Variants in RIN3 observed in about 807,000 individuals in gnomAD.
The protein encoded by RIN3 is Ras and Rab interactor 3.
RIN3 carries 54 observed loss-of-function variants against 76.3 expected under a neutral mutation model. That is an observed-to-expected ratio of 0.71 (90% CI 0.57 to 0.89). RIN3 has a LOEUF of 0.89. Ranked by LOEUF, RIN3 falls within the 40% of genes least tolerant of loss-of-function variation. The pLI is 0.00. For missense variants in RIN3, 1,256 were observed against 1,322.1 expected, an observed-to-expected ratio of 0.95 and a Z score of 0.78; for synonymous variants, 576 against 564.0, an observed-to-expected ratio of 1.02 and a Z score of -0.30.
At chr14:92,518,671 G>C (rs1896509743) in intron 1 of RIN3, among the ~76,000 whole-genome samples, 1 of 152,212 alleles carries the variant, frequency 6.6e-6, no homozygotes, top group South Asian at 2.1e-4. Context: ...TGGATACTGT[G>C]TCTCAGCCGG....
intron 4 of RIN3, among the ~76,000 whole-genome samples, chr14:92,631,664 G>A (rs1886589234): frequency 6.6e-6 from 1 of 152,046 alleles, no homozygotes; most frequent in Admixed American, 6.6e-5. Flanking sequence ...GCAGTGGTGT[G>A]ATCTGGGCTC....
At chr14:92,524,863 C>T (rs879682540) in intron 1 of RIN3, among the ~76,000 whole-genome samples, 7 of 152,226 alleles carry the variant, frequency 4.6e-5, no homozygotes, top group Admixed American at 1.3e-4. Context: ...TGGCACGAGG[C>T]CCCAGAGATG....
chr14:92,562,761 G>C (rs1324946035), intron 2 of RIN3, among the ~76,000 whole-genome samples: 5 of 152,070 alleles, frequency 3.3e-5, no homozygotes, highest in Non-Finnish European at 7.4e-5. Context: ...TTCTGCCCCA[G>C]TCCTAGAATC....
At chr14:92,683,350 C>G (rs7143892) in intron 8 of RIN3, among the ~76,000 whole-genome samples, 2,042 of 152,166 alleles carry the variant, frequency 0.013, 50 homozygotes, top group African/African-American at 0.045. Context: ...ATGACCTTGG[C>G]CAAGCCACCT....
rs1055231645 is a variant in RIN3 at position 92,681,973 on chromosome 14, G to A, written c.2468-3014G>A. On this transcript the variant is annotated intron_variant, in intron 8 of 9. Coordinates refer to ENST00000216487, the MANE Select transcript of RIN3 (RefSeq NM_024832.5). The surrounding 1 kb of genome is among the most constrained non-coding windows in gnomAD (Gnocchi z 4.7). ...CTGATCTCAGCTCACTGCAACCTCTGCCTCTCAGGTTCAAGCGATTCTCCT... is the reference window on the plus strand; with the variant it reads ...CTGATCTCAGCTCACTGCAACCTCTACCTCTCAGGTTCAAGCGATTCTCCT... 7.9e-5 allele frequency among the ~76,000 whole-genome samples: 12 copies of A among 151,992 alleles called. No homozygotes were observed. The highest frequency in any genetic ancestry group is 1.6e-4 in the Non-Finnish European group (11 of 68,028).
rs1160692165 is a variant in RIN3 at position 92,652,557 on chromosome 14, G to A, written c.1508G>A (p.Ser503Asn). ...PTPGPPREGQ[S>N]PASQAGTQHP... ...CCGGGTCCACCCAGAGAGGGCCAAA[G>A]CCCTGCTTCTCAGGCTGGGACTCAG... Residue 503 changes from serine (S) to asparagine (N), a missense_variant, in exon 6 of 10, where the codon AGC becomes AAC. This residue lies in a region of RIN3 where 428 missense variants were observed against 521.2 expected (regional missense o/e 0.82). Coordinates refer to ENST00000216487, the MANE Select transcript of RIN3 (RefSeq NM_024832.5). This position sits in a 1 kb window ranked among gnomAD's most constrained non-coding sequence, Gnocchi z 6.4. 1.2e-6 allele frequency: 2 copies of A among 1,613,096 alleles called. No individual in the cohort carries two copies. The highest frequency in any genetic ancestry group is 2.7e-5 in the African/African-American group (2 of 74,918).
chr14:92,551,605 A>G (rs189198969), intron 1 of RIN3, among the ~76,000 whole-genome samples: 149 of 152,136 alleles, frequency 9.8e-4, no homozygotes, highest in Middle Eastern at 6.8e-3. Context: ...CATTCTCACC[A>G]CTATGTGATG....
intron 1 of RIN3, among the ~76,000 whole-genome samples, chr14:92,517,333 C>T (rs896821028): frequency 4.6e-5 from 7 of 152,012 alleles, no homozygotes; most frequent in Non-Finnish European, 7.4e-5. Flanking sequence ...GTTGAGGAAA[C>T]GGAAGACAAA....
intron 3 of RIN3, among the ~76,000 whole-genome samples, chr14:92,578,134 G>A (rs1033785659): frequency 6.6e-6 from 1 of 151,994 alleles, no homozygotes; most frequent in African/African-American, 2.4e-5. Flanking sequence ...TACTTGGGAG[G>A]CTGAGGTGGA....
intron 4 of RIN3, among the ~76,000 whole-genome samples, chr14:92,632,785 G>A (rs1041499445): frequency 1.2e-4 from 18 of 152,342 alleles, no homozygotes; most frequent in Non-Finnish European, 2.5e-4. Context: ...AGGAAGGGCG[G>A]GAAGGGAACT....
At chr14:92,515,544 C>A (rs1896417861) in intron 1 of RIN3, 1 of 449,082 alleles carries the variant, frequency 2.2e-6, no homozygotes, top group Admixed American at 4.2e-5. Flanking sequence ...GGACTAAATA[C>A]ACAGAGTTGA....
At chr14:92,523,642 A>G (rs1896653463) in intron 1 of RIN3, among the ~76,000 whole-genome samples, 2 of 151,626 alleles carry the variant, frequency 1.3e-5, no homozygotes, top group Admixed American at 1.3e-4. Flanking sequence ...TCTTGTTTCA[A>G]GGACTAGATT....
chr14:92,566,853 C>T (rs781700748), intron 2 of RIN3, among the ~76,000 whole-genome samples: 2 of 152,188 alleles, frequency 1.3e-5, no homozygotes, highest in Non-Finnish European at 1.5e-5. Context: ...TACCAACCTG[C>T]ACCTCACACT....
In RIN3 at chr14:92,634,855, C is replaced by CAA. The variant is rs1566878429; in HGVS notation, c.441-6383_441-6382insAA. Among the ~76,000 whole-genome samples the CAA allele has an allele frequency of 4.9e-3, 509 of 104,738 alleles. 3 individuals carry two copies. Among genetic ancestry groups the CAA allele is most frequent in the African/African-American group, 0.019 (486 of 25,136 alleles). The allele number at this position is 104,738 out of a possible 152,430, so 68.7% of individuals were successfully genotyped here. On this transcript the variant is annotated intron_variant, in intron 4 of 9. Coordinates refer to ENST00000216487, the MANE Select transcript of RIN3 (RefSeq NM_024832.5). ...CCTGGGTGCCAGAACGAGACTCTAT[C>CAA]TAAAAAAAAAAAAAAAAGGTGGATT...
At chr14:92,547,858 C>T (rs1897324489) in intron 1 of RIN3, among the ~76,000 whole-genome samples, 1 of 152,150 alleles carries the variant, frequency 6.6e-6, no homozygotes, top group African/African-American at 2.4e-5. Context: ...CATGTGCAGC[C>T]ATACCCAGCT....
chr14:92,673,786 A>G (rs1476982222), intron 7 of RIN3, among the ~76,000 whole-genome samples: 2 of 152,194 alleles, frequency 1.3e-5, no homozygotes, highest in East Asian at 3.9e-4. Flanking sequence ...GATTACAGAC[A>G]TGAGCCACCG....
At chr14:92,547,507 G>T (rs1897317903) in intron 1 of RIN3, among the ~76,000 whole-genome samples, 2 of 150,184 alleles carry the variant, frequency 1.3e-5, no homozygotes, top group Admixed American at 1.3e-4. Flanking sequence ...CGATCCTCCT[G>T]CCTCAGCCTT....
chr14:92,651,127 G>T (rs1381112052), intron 5 of RIN3, among the ~76,000 whole-genome samples: 1 of 152,180 alleles, frequency 6.6e-6, no homozygotes, highest in Non-Finnish European at 1.5e-5. Context: ...TTTTAGGGAT[G>T]ACTAGACTGA....
In RIN3 at chr14:92,612,093, A is replaced by C. The variant is rs555954155; in HGVS notation, c.368-3314A>C. Among the ~76,000 whole-genome samples, 6 of 152,296 alleles carry C rather than the reference A, an allele frequency of 3.9e-5. No individual in the cohort carries two copies. The South Asian group carries it at 1.2e-3, about 32-fold the overall frequency. On this transcript the variant is annotated intron_variant, in intron 3 of 9. Transcript: ENST00000216487. ...ATGAAGGACCCACCCCCATGATCCC[A>C]TCACCTCCCACCAGGCCCCACCTCC... is the stretch of plus-strand genomic sequence containing the variant.
Sources: allele counts gnomAD v4.1 joint callset (sites outside exome capture counted in the v4.1 genomes callset), GRCh38; gene constraint gnomAD v4.1.1; regional missense constraint gnomAD v4.1.1; non-coding constraint Gnocchi (gnomAD v3.1); transcripts MANE v1.5; gene names NCBI Gene and HGNC (gene_info 2026-07-23, HGNC 2026-07-21).